The following SHISAL1 variants were observed in gnomAD, a reference collection of about 807,000 sequenced individuals.
The protein encoded by SHISAL1 is protein shisa-like-1.
SHISAL1 carries 9 observed loss-of-function variants against 22.6 expected under a neutral mutation model. That is an observed-to-expected ratio of 0.40 (90% confidence interval 0.24 to 0.70). The LOEUF (loss-of-function observed/expected upper bound fraction) is 0.70, where lower values mean the gene tolerates loss of function less well. Ranked by LOEUF, SHISAL1 falls within the 30% of genes least tolerant of loss-of-function variation. SHISAL1 has a pLI of 0.39. For synonymous variants in SHISAL1, 119 were observed against 115.4 expected, an observed-to-expected ratio of 1.03 and a Z score of -0.20; for missense variants, 246 against 270.6, an observed-to-expected ratio of 0.91 and a Z score of 0.64.
intron 3 of SHISAL1, among the ~76,000 whole-genome samples, chr22:44,295,682 A>T (rs2147298020): frequency 6.6e-6 from 1 of 152,298 alleles, no homozygotes; most frequent in African/African-American, 2.4e-5. Flanking sequence ...TATAAAAAGC[A>T]CCCATAAGTA....
chr22:44,317,935 G>T (rs1453536089), upstream of SHISAL1, among the ~76,000 whole-genome samples: 1 of 152,252 alleles, frequency 6.6e-6, no homozygotes, highest in Admixed American at 6.5e-5. Flanking sequence ...TGTCTGCTGA[G>T]CACGGGGCCC....
At chr22:44,289,450 C>T (rs918073913) in intron 3 of SHISAL1, among the ~76,000 whole-genome samples, 1 of 144,142 alleles carries the variant, frequency 6.9e-6, no homozygotes, top group Non-Finnish European at 1.5e-5. Context: ...CCGTGCAGAT[C>T]AGTGTGTCAT....
At position 44,246,467 on chromosome 22, in the gene SHISAL1, T is replaced by TA. The variant is rs965766129; in HGVS notation, c.*3217dup. ...AGCTTAAAAAATCAGGTTGAGTTGC[T>TA]AAAAAACAGTAACTCTAGCTATGCT... On this transcript the variant is annotated 3_prime_UTR_variant, in exon 5 of 5. Coordinates refer to ENST00000381176, the MANE Select transcript of SHISAL1 (RefSeq NM_001099294.2). 3.9e-5 allele frequency: 6 copies of TA among 152,100 alleles called. No homozygotes were observed. Among genetic ancestry groups the TA allele is most frequent in the Non-Finnish European group, 5.9e-5 (4 of 68,016 alleles). The allele number at this position is 152,100 out of a possible 1,614,324, so 9.4% of individuals were successfully genotyped here. A position where few individuals can be genotyped will look rare whatever the true frequency, so the allele number is the denominator to read the frequency against.
chr22:44,260,986 G>C (rs1489754388), intron 4 of SHISAL1, among the ~76,000 whole-genome samples: 7 of 151,416 alleles, frequency 4.6e-5, no homozygotes, highest in Admixed American at 3.3e-4. Flanking sequence ...GAGGGAAGGG[G>C]TGCCACTGGG....
intron 4 of SHISAL1, among the ~76,000 whole-genome samples, chr22:44,262,676 G>T (rs2055133120): frequency 6.6e-6 from 1 of 152,228 alleles, no homozygotes; most frequent in African/African-American, 2.4e-5. Context: ...CTCGTCTGGG[G>T]CAGTGGCCTG....
At position 44,248,456 on chromosome 22, in the gene SHISAL1, G is replaced by A. The variant is rs1299788055; in HGVS notation, c.*1229C>T. ...TGATGCCATCTCATAGGTGTCCCAG[G>A]GCAGCGGGGCAGGAGTGGGGGTGAT... On this transcript the variant is annotated 3_prime_UTR_variant, in exon 5 of 5. Transcript: ENST00000381176. 6.6e-6 allele frequency: 1 copy of A among 152,322 alleles called. No homozygotes were observed. The highest frequency in any genetic ancestry group is 1.5e-5 in the Non-Finnish European group (1 of 68,122). The allele number at this position is 152,322 out of a possible 1,614,324, so 9.4% of individuals were successfully genotyped here.
intron 4 of SHISAL1, among the ~76,000 whole-genome samples, chr22:44,257,840 T>G (rs975160757): frequency 1.3e-5 from 2 of 152,202 alleles, no homozygotes; most frequent in African/African-American, 2.4e-5. Flanking sequence ...GTGAGCTGCT[T>G]CTTTTTAAAA....
intron 4 of SHISAL1, among the ~76,000 whole-genome samples, chr22:44,254,343 T>C (rs552030143): frequency 6.6e-6 from 1 of 152,278 alleles, no homozygotes; most frequent in East Asian, 1.9e-4. Context: ...TAACTCCATG[T>C]TCTTTTTTTA....
intron 4 of SHISAL1, among the ~76,000 whole-genome samples, chr22:44,275,643 C>T (rs1157950981): frequency 6.6e-6 from 1 of 152,222 alleles, no homozygotes; most frequent in East Asian, 1.9e-4. Flanking sequence ...TTGCTCTTCC[C>T]AGTACAAGGA....
intron 4 of SHISAL1, among the ~76,000 whole-genome samples, chr22:44,268,877 G>A (rs1474888286): frequency 6.6e-6 from 1 of 152,052 alleles, no homozygotes; most frequent in Non-Finnish European, 1.5e-5. Flanking sequence ...TAATCCTTGT[G>A]AAATGAATAT....
chr22:44,255,627 T>C (rs1172244407), intron 4 of SHISAL1, among the ~76,000 whole-genome samples: 6 of 152,194 alleles, frequency 3.9e-5, no homozygotes, highest in African/African-American at 1.4e-4. Flanking sequence ...TCTGCGCTGG[T>C]CAGCGCTGGT....
At chr22:44,277,016 T>G (rs1487996759) in intron 4 of SHISAL1, among the ~76,000 whole-genome samples, 1 of 152,236 alleles carries the variant, frequency 6.6e-6, no homozygotes, top group Non-Finnish European at 1.5e-5. Flanking sequence ...AGGCTCTGCC[T>G]AAGCTGCTCT....
At chr22:44,300,162 CAGAGAGAGAT>C (rs1248633885) in intron 2 of SHISAL1, among the ~76,000 whole-genome samples, 3 of 150,522 alleles carry the variant, frequency 2.0e-5, no homozygotes, top group African/African-American at 4.9e-5. Flanking sequence ...GAGACAGAGA[CAGAGAGAGAT>C]AGAGATACAG....
At chr22:44,307,456 C>T (rs1474217582) in intron 1 of SHISAL1, among the ~76,000 whole-genome samples, 2 of 152,186 alleles carry the variant, frequency 1.3e-5, no homozygotes, top group Non-Finnish European at 2.9e-5. Flanking sequence ...CTTCTGAGGC[C>T]TCCTGAGGAC....
intron 4 of SHISAL1, among the ~76,000 whole-genome samples, chr22:44,260,453 G>A (rs375569854): frequency 6.6e-5 from 10 of 152,274 alleles, no homozygotes; most frequent in South Asian, 2.1e-4. Context: ...CTGCAGGTGC[G>A]GACAGTGCCA....
chr22:44,317,170 C>T (rs116495325), upstream of SHISAL1, among the ~76,000 whole-genome samples: 572 of 152,290 alleles, frequency 3.8e-3, 4 homozygotes, highest in African/African-American at 0.013. Flanking sequence ...AATGAGCCTC[C>T]CACCCACACT....
intron 2 of SHISAL1, among the ~76,000 whole-genome samples, chr22:44,298,200 T>C (rs1328817920): frequency 1.3e-5 from 2 of 152,206 alleles, no homozygotes; most frequent in Non-Finnish European, 2.9e-5. Flanking sequence ...GAAAGAAGAA[T>C]ACCCCCTCTG....
At chr22:44,318,234 G>A in the SHISAL1 span, among the ~76,000 whole-genome samples, 1 of 152,278 alleles carries the variant, frequency 6.6e-6, no homozygotes, top group Admixed American at 6.5e-5. Context: ...TTATAACGGG[G>A]AGAAAACTGC....
intron 1 of SHISAL1, among the ~76,000 whole-genome samples, chr22:44,305,365 G>A (rs1193133674): frequency 1.3e-5 from 2 of 152,182 alleles, no homozygotes; most frequent in South Asian, 2.1e-4. Flanking sequence ...TTCTTCCCAG[G>A]ACCTCTTCTA....
Sources: allele counts gnomAD v4.1 joint callset (sites outside exome capture counted in the v4.1 genomes callset), GRCh38; gene constraint gnomAD v4.1.1; transcripts MANE v1.5; gene names NCBI Gene and HGNC (gene_info 2026-07-23, HGNC 2026-07-21).